The following SBNO2 variants were observed in gnomAD, a reference collection of about 807,000 sequenced individuals.
SBNO2 encodes strawberry notch homolog 2.
In SBNO2, 89 loss-of-function variants were observed where a neutral mutation model predicts 146.3. The ratio of observed to expected loss-of-function variants is 0.61; its 90% CI spans 0.51 to 0.73. The LOEUF (loss-of-function observed/expected upper bound fraction) is 0.73. Among genes scored for constraint, SBNO2 ranks in the 30% least tolerant of loss-of-function variants. The probability of loss-of-function intolerance (pLI) is 0.00; values close to 1 mark genes in which losing one functional copy is unlikely to be tolerated. For missense variants in SBNO2, 2,092 were observed against 2,003.7 expected (o/e 1.04, Z -0.84); for synonymous variants, 1,147 against 892.6 (o/e 1.29, Z -5.08).
Position 1,136,542 on chromosome 19 carries a change from C to T in SBNO2, c.280-8777G>A, listed in dbSNP as rs1255808119. Among the ~76,000 whole-genome samples the T allele has an allele frequency of 6.6e-6, 1 of 152,200 alleles. No individual in the cohort carries two copies. Among genetic ancestry groups the T allele is most frequent in the Non-Finnish European group, 1.5e-5 (1 of 68,040 alleles). On this transcript the variant is annotated intron_variant, in intron 4 of 31. Coordinates refer to ENST00000361757, the MANE Select transcript of SBNO2 (RefSeq NM_014963.3). The surrounding 1 kb of genome is among the most constrained non-coding windows in gnomAD (Gnocchi z 4.2). ...GCTCCTCCTCCCGGGGGGGCTGTGG[C>T]CTCAGCACAGACCAGGGGACAGAAG...
intron 2 of SBNO2, among the ~76,000 whole-genome samples, chr19:1,152,017 C>T (rs933435087): frequency 4.6e-5 from 7 of 151,968 alleles, no homozygotes; most frequent in Non-Finnish European, 1.0e-4. Flanking sequence ...CTGGGCTGTG[C>T]GTGTGCGAAC....
chr19:1,164,432 G>GAAC, intron 1 of SBNO2, among the ~76,000 whole-genome samples: 1 of 146,482 alleles, frequency 6.8e-6, no homozygotes, highest in African/African-American at 2.5e-5. Context: ...GGAGGAGGAG[G>GAAC]AGGAGGAGGA....
At chr19:1,167,796 T>C (rs1237767523) in intron 1 of SBNO2, among the ~76,000 whole-genome samples, 1 of 152,174 alleles carries the variant, frequency 6.6e-6, no homozygotes, top group Non-Finnish European at 1.5e-5. Context: ...GGTCTCAGCC[T>C]GCGGTCAGGC....
In SBNO2 at chr19:1,116,914, C is replaced by G; in HGVS notation, c.1717G>C (p.Gly573Arg). The G allele has an allele frequency of 1.3e-6, 2 of 1,559,974 alleles. No individual in the cohort carries two copies. The highest frequency in any genetic ancestry group is 8.6e-7 in the Non-Finnish European group (1 of 1,158,278). Residue 573 changes from glycine to arginine, a missense_variant, in exon 16 of 32, where the codon GGG (glycine) becomes CGG (arginine). Physicochemically the swap from Gly to Arg is moderately radical, Grantham distance 125. Transcript: ENST00000361757. ...CGCGCCTCGCCCGTGGACTGCAGCC[C>G]GATGACCACGCACTGTGGGACGGCA... ...ELARDKCVVI[G>R]LQSTGEARTR...
rs80050348 is a variant in SBNO2 at position 1,108,091 on chromosome 19, G to A, written c.*129C>T. On this transcript the variant is annotated 3_prime_UTR_variant, in exon 32 of 32. Transcript: ENST00000361757. ...CAGGTGGGGGCCCGGGTCGGGCGCT[G>A]AAGGCACTGCGGCCAGGGCCTAGGG... 9.2e-7 allele frequency: 1 copy of A among 1,091,490 alleles called. No individual in the cohort carries two copies. Among genetic ancestry groups the A allele is most frequent in the Non-Finnish European group, 1.2e-6 (1 of 828,202 alleles). 67.6% of individuals were successfully genotyped at this position (1,091,490 alleles called of 1,614,324 possible).
intron 14 of SBNO2, 96 bp downstream of exon 14, chr19:1,118,915 G>C: frequency 2.3e-6 from 3 of 1,318,142 alleles, no homozygotes; most frequent in Non-Finnish European, 3.1e-6. Context: ...AGGGCGGGCC[G>C]TCACCTGATG....
At chr19:1,170,840 G>A (rs2080470541) in intron 1 of SBNO2, among the ~76,000 whole-genome samples, 1 of 151,858 alleles carries the variant, frequency 6.6e-6, no homozygotes, top group Admixed American at 6.6e-5. Flanking sequence ...CGGGTGCAAA[G>A]GTCATACACA....
At position 1,110,995 on chromosome 19, in the gene SBNO2, T is replaced by C. The variant is rs1414070992; in HGVS notation, c.2884+24A>G. The C allele has an allele frequency of 6.2e-7, 1 of 1,601,900 alleles. No individual in the cohort carries two copies. Among genetic ancestry groups the C allele is most frequent in the East Asian group, 2.3e-5 (1 of 44,314 alleles). On this transcript the variant is annotated intron_variant, in intron 25 of 31. Coordinates refer to ENST00000361757, the MANE Select transcript of SBNO2 (RefSeq NM_014963.3). This position sits in a 1 kb window ranked among gnomAD's most constrained non-coding sequence, Gnocchi z 4.9. ...ATGAGATGAGAGACAGGAGCGCCTC[T>C]GGGCCTGGGTGTGGGGCACTCACCC...
chr19:1,168,157 G>A (rs188551728), intron 1 of SBNO2, among the ~76,000 whole-genome samples: 4 of 152,246 alleles, frequency 2.6e-5, no homozygotes, highest in Admixed American at 2.0e-4. Flanking sequence ...GTGTTCCAAA[G>A]TCGGCAAGCA....
chr19:1,121,093 T>C (rs1357513108), intron 11 of SBNO2, among the ~76,000 whole-genome samples: 1 of 152,108 alleles, frequency 6.6e-6, no homozygotes, highest in Non-Finnish European at 1.5e-5. Context: ...GGTTTCACCA[T>C]GTTGTCCAGG....
At chr19:1,137,113 G>A (rs1019004719) in intron 4 of SBNO2, among the ~76,000 whole-genome samples, 6 of 148,644 alleles carry the variant, frequency 4.0e-5, no homozygotes, top group African/African-American at 1.5e-4. Context: ...GGATGGGCGA[G>A]GGGCAGTGAG....
intron 4 of SBNO2, among the ~76,000 whole-genome samples, chr19:1,133,892 A>G (rs1208566297): frequency 6.6e-6 from 1 of 152,154 alleles, no homozygotes. Flanking sequence ...CCTGGGAACC[A>G]TCCTGCAGCT....
Position 1,136,068 on chromosome 19 carries a change from C to T in SBNO2, c.280-8303G>A, listed in dbSNP as rs1388666119. 2.6e-5 allele frequency among the ~76,000 whole-genome samples: 4 copies of T among 152,064 alleles called. No homozygotes were observed. Among genetic ancestry groups the T allele is most frequent in the Admixed American group, 6.5e-5 (1 of 15,274 alleles). On this transcript the variant is annotated intron_variant, in intron 4 of 31. Transcript: ENST00000361757. The surrounding 1 kb of genome is among the most constrained non-coding windows in gnomAD (Gnocchi z 4.2). ...GAGCGGGTGTTCTGTGCCTGGTGTC[C>T]TCATTCGAAGGAGACACAGTCCCGG...
intron 1 of SBNO2, among the ~76,000 whole-genome samples, chr19:1,162,650 G>A (rs1429388124): frequency 6.6e-6 from 1 of 152,118 alleles, no homozygotes; most frequent in African/African-American, 2.4e-5. Flanking sequence ...GCTTTGTGAG[G>A]TGGAGCCCAA....
At chr19:1,120,134 G>T in intron 11 of SBNO2, 111 bp from the exon 12 acceptor site, 2 of 831,790 alleles carry the variant, frequency 2.4e-6, no homozygotes, top group South Asian at 1.6e-5. Context: ...ACGCCTGTGC[G>T]GCTGAGAACT....
chr19:1,110,779 G>A lies in SBNO2; in HGVS notation c.2994C>T (p.Asp998=), dbSNP rs1303944914. 20 of 1,613,498 alleles carry A rather than the reference G, an allele frequency of 1.2e-5. No individual in the cohort carries two copies. The highest frequency in any genetic ancestry group is 1.7e-5 in the Admixed American group (1 of 59,964). ...CCATGTCGTATTTGCCCTCCCGCTT[G>A]TCCATCTCGATGAGGTGGTCGAAGG... is the stretch of plus-strand genomic sequence containing the variant. The part of the protein sequence containing the change: ...SDTFDHLIEM[D]KREGKYDMGI... Residue 998 remains aspartate (D), a synonymous_variant, in exon 26 of 32, where the codon GAC becomes GAT. Transcript: ENST00000361757. This position sits in a 1 kb window ranked among gnomAD's most constrained non-coding sequence, Gnocchi z 4.9.
rs1263916109 is a variant in SBNO2 at position 1,119,601 on chromosome 19, T to C, written c.1288A>G (p.Met430Val). 1 of 1,609,886 alleles carries C rather than the reference T, an allele frequency of 6.2e-7. No individual in the cohort carries two copies. Residue 430 changes from methionine (M) to valine (V), a missense_variant, in exon 13 of 32, where the codon ATG becomes GTG. Physicochemically the swap from Met to Val is conservative, Grantham distance 21. Transcript: ENST00000361757. ...ATACCCAAGCGGCTCATGTAGATCA[T>C]GTTCCGAGGCTCAGAGGCACCTGTG... Reference protein sequence around the residue: ...SATGASEPRNMIYMSRLGIWG... With the variant: ...SATGASEPRNVIYMSRLGIWG...
chr19:1,145,154 G>A (rs1373322985), intron 4 of SBNO2, among the ~76,000 whole-genome samples: 4 of 151,630 alleles, frequency 2.6e-5, no homozygotes, highest in South Asian at 2.1e-4. Context: ...GGGGAAGAGG[G>A]AGAGAGAGAG....
At chr19:1,141,051 A>G (rs988233711) in intron 4 of SBNO2, among the ~76,000 whole-genome samples, 9 of 151,122 alleles carry the variant, frequency 6.0e-5, no homozygotes, top group South Asian at 4.2e-4. Flanking sequence ...GAGAAGACGC[A>G]CCCCGGAGAA....
Sources: gnomAD v4.1 joint callset for allele counts (sites outside exome capture counted in the v4.1 genomes callset) on GRCh38, gnomAD v4.1.1 for gene constraint, Gnocchi (gnomAD v3.1) non-coding constraint, MANE v1.5 for transcripts, NCBI Gene and HGNC (gene_info 2026-07-23, HGNC 2026-07-21) for gene names.